Variants in CUL2 observed in about 807,000 individuals in gnomAD.
CUL2 encodes the protein cullin-2.
CUL2 carries 22 observed loss-of-function variants against 110.2 expected under a neutral mutation model. That is an observed-to-expected ratio of 0.20 (90% CI 0.14 to 0.28). CUL2 has a LOEUF of 0.28. Among genes scored for constraint, CUL2 ranks in the 10% least tolerant of loss-of-function variants. The pLI is 1.00. For synonymous variants in CUL2, 279 were observed against 293.2 expected (o/e 0.95, Z 0.49); for missense variants, 631 against 905.5 (o/e 0.70, Z 3.89).
chr10:35,118,287 A>C (rs935465735), intron 1 of CUL2: 1 of 152,166 alleles, frequency 6.6e-6, no homozygotes, highest in Non-Finnish European at 1.5e-5. Flanking sequence ...GGAAATTCTC[A>C]GCAATAATTC....
chr10:35,062,489 C>T (rs183235072), intron 3 of CUL2, among the ~76,000 whole-genome samples: 2 of 152,030 alleles, frequency 1.3e-5, no homozygotes, highest in Non-Finnish European at 1.5e-5. Context: ...TTACTAATTA[C>T]GAGATGCTGA....
At chr10:35,118,544 T>C (rs2087635525) in intron 1 of CUL2, 1 of 152,204 alleles carries the variant, frequency 6.6e-6, no homozygotes, top group South Asian at 2.1e-4. Flanking sequence ...CATTCTCCCT[T>C]CTTTCTCTGA....
chr10:35,114,243 T>C (rs1198119348), intron 1 of CUL2, among the ~76,000 whole-genome samples: 3 of 150,902 alleles, frequency 2.0e-5, no homozygotes, highest in African/African-American at 7.3e-5. Context: ...CTTTTTCTTT[T>C]AGTAGAGACA....
chr10:35,056,472 C>T (rs1360377868), intron 4 of CUL2, among the ~76,000 whole-genome samples: 1 of 152,156 alleles, frequency 6.6e-6, no homozygotes, highest in African/African-American at 2.4e-5. Flanking sequence ...AAAGCTGCAG[C>T]CTAGAGAGGT....
At chr10:35,079,711 AT>A in intron 1 of CUL2, 1 of 154,752 alleles carries the variant, frequency 6.5e-6, no homozygotes, top group Non-Finnish European at 1.5e-5. Flanking sequence ...TCAGTCTATT[AT>A]TTTTTTCTTT....
chr10:35,053,177 T>C (rs2086157276), intron 5 of CUL2, among the ~76,000 whole-genome samples: 1 of 152,166 alleles, frequency 6.6e-6, no homozygotes, highest in Admixed American at 6.5e-5. Context: ...TTGTTTACAG[T>C]GATTTTCTGG....
At chr10:35,122,366 T>C (rs1316736939) in intron 1 of CUL2, among the ~76,000 whole-genome samples, 1 of 152,230 alleles carries the variant, frequency 6.6e-6, no homozygotes, top group Non-Finnish European at 1.5e-5. Flanking sequence ...ATAGTCCTAA[T>C]ATTACTATCT....
intron 17 of CUL2, among the ~76,000 whole-genome samples, chr10:35,024,469 A>T (rs1424776162): frequency 1.3e-5 from 2 of 152,144 alleles, no homozygotes; most frequent in Non-Finnish European, 2.9e-5. Context: ...ACAAAGAAAA[A>T]GTGATTCAAT....
Position 35,036,230 on chromosome 10 carries a change from T to G in CUL2, c.878-934A>C, listed in dbSNP as rs376389007. On this transcript the variant is annotated intron_variant, in intron 9 of 20. Coordinates refer to ENST00000374749, the MANE Select transcript of CUL2 (RefSeq NM_003591.4). ...CAATTCTTTCGTGTCTGGCTTCTTG[T>G]GTTCAACATGTGTATAAGGATCATC... 4.6e-5 allele frequency among the ~76,000 whole-genome samples: 7 copies of G among 152,196 alleles called. No homozygotes were observed. In the East Asian group the frequency reaches 1.3e-3, roughly 29 times the overall value.
At chr10:35,081,267 C>T (rs917322289) in intron 1 of CUL2, among the ~76,000 whole-genome samples, 1 of 152,100 alleles carries the variant, frequency 6.6e-6, no homozygotes, top group Non-Finnish European at 1.5e-5. Context: ...ACCCACTGCA[C>T]CAGAATAAAA....
chr10:35,077,293 CAAAAA>C (rs757497334), intron 1 of CUL2, among the ~76,000 whole-genome samples: 7 of 118,690 alleles, frequency 5.9e-5, no homozygotes, highest in African/African-American at 9.0e-5. Flanking sequence ...GACTCCGTCT[CAAAAA>C]AAAAAACAAA....
At chr10:35,043,759 G>C (rs1392842067) in intron 8 of CUL2, among the ~76,000 whole-genome samples, 1 of 152,048 alleles carries the variant, frequency 6.6e-6, no homozygotes, top group Non-Finnish European at 1.5e-5. Flanking sequence ...AATATGTACT[G>C]GTTTAGTGAT....
chr10:35,033,136 A>G (rs1385181874), intron 11 of CUL2, 30 bp downstream of exon 11: 1 of 1,375,784 alleles, frequency 7.3e-7, no homozygotes, highest in Admixed American at 1.7e-5. Context: ...TTTTATGTAC[A>G]TATATAGTAT....
chr10:35,103,243 A>AG (rs2087407083), intron 1 of CUL2, among the ~76,000 whole-genome samples: 1 of 150,400 alleles, frequency 6.6e-6, no homozygotes, highest in African/African-American at 2.4e-5. Flanking sequence ...CCTGGGCTCA[A>AG]GGGATCCTCC....
chr10:35,090,597 C>A (rs1589056194), upstream of CUL2: 1 of 152,674 alleles, frequency 6.5e-6, no homozygotes, highest in African/African-American at 2.4e-5. Context: ...CCTCCGGTCT[C>A]CTTCTTCCGC....
intron 1 of CUL2, among the ~76,000 whole-genome samples, chr10:35,073,770 A>G (rs1464898118): frequency 6.6e-6 from 1 of 151,912 alleles, no homozygotes; most frequent in Admixed American, 6.6e-5. Context: ...ACACCCGGCT[A>G]ATTTTTTATT....
rs114284349 is a variant in CUL2, at chr10:35,034,029, G to A, written c.1003-756C>T. 5.5e-4 allele frequency among the ~76,000 whole-genome samples: 84 copies of A among 152,276 alleles called. 2 individuals carry two copies. Among genetic ancestry groups the A allele is most frequent in the African/African-American group, 1.8e-3 (75 of 41,532 alleles). ...CTGAGAACAGAGACCCCTTGAACTC[G>A]GCAAGACAATCCCTCACATCTCAGA... On this transcript the variant is annotated intron_variant, in intron 10 of 20. Coordinates refer to ENST00000374749, the MANE Select transcript of CUL2 (RefSeq NM_003591.4).
chr10:35,072,977 G>A (rs2086720745), intron 1 of CUL2, among the ~76,000 whole-genome samples: 1 of 152,130 alleles, frequency 6.6e-6, no homozygotes, highest in African/African-American at 2.4e-5. Context: ...GATGCATAAA[G>A]AGAATGGGCA....
Position 35,116,144 on chromosome 10 carries a change from A to G in CUL2, c.-51+10461T>C, listed in dbSNP as rs148132300. On this transcript the variant is annotated intron_variant, in intron 1 of 5. Coordinates refer to the CUL2 transcript ENST00000685421. ...GATAACCTGAGGTCAGGAGTTTGAG[A>G]CTAGGCTGGCCAACATGGTGAAACT... Among the ~76,000 whole-genome samples the G allele has an allele frequency of 7.9e-4, 120 of 152,178 alleles. 2 individuals carry two copies. In the East Asian group the frequency reaches 0.022, roughly 28 times the overall value.
Sources: allele counts gnomAD v4.1 joint callset (sites outside exome capture counted in the v4.1 genomes callset), GRCh38; gene constraint gnomAD v4.1.1; transcripts MANE v1.5; gene names NCBI Gene and HGNC (gene_info 2026-07-23, HGNC 2026-07-21).